COL24A1: variants seen among roughly 807,000 people sequenced by gnomAD.
The protein encoded by COL24A1 is collagen type XXIV alpha 1 chain.
Under a neutral mutation model 253.9 loss-of-function variants are expected in COL24A1, and 224 were observed. The observed-to-expected ratio is 0.88, with a 90% CI of 0.79 to 0.99. The LOEUF (loss-of-function observed/expected upper bound fraction) is 0.99. Among genes scored for constraint, COL24A1 ranks in the 50% least tolerant of loss-of-function variants. The probability of loss-of-function intolerance (pLI) is 0.00; values close to 1 mark genes in which losing one functional copy is unlikely to be tolerated. For synonymous variants in COL24A1, 685 were observed against 673.7 expected, an observed-to-expected ratio of 1.02 and a Z score of -0.26; for missense variants, 2,131 against 2,068.5, an observed-to-expected ratio of 1.03 and a Z score of -0.59.
At chr1:85,748,205 C>T (rs1665485065) in intron 55 of COL24A1, among the ~76,000 whole-genome samples, 1 of 152,102 alleles carries the variant, frequency 6.6e-6, no homozygotes, top group Admixed American at 6.5e-5. Flanking sequence ...CATTCATTTT[C>T]AAGAAAATAT....
chr1:85,951,409 T>C (rs1689916286), intron 24 of COL24A1, among the ~76,000 whole-genome samples: 1 of 152,120 alleles, frequency 6.6e-6, no homozygotes, highest in Admixed American at 6.6e-5. Context: ...TCTTGAAAGT[T>C]GATGCTTGGT....
intron 32 of COL24A1, chr1:85,883,692 G>A (rs758951566): frequency 1.3e-5 from 2 of 151,750 alleles, no homozygotes; most frequent in Non-Finnish European, 2.9e-5. Flanking sequence ...CCTACAGCAC[G>A]TGGTATTCCT....
At position 86,066,662 on chromosome 1, in the gene COL24A1, CCA is replaced by C. The variant is rs1365204281; in HGVS notation, c.1708-2905_1708-2904del. Among the ~76,000 whole-genome samples, 14 of 152,254 alleles carry C rather than the reference CCA, an allele frequency of 9.2e-5. No individual in the cohort carries two copies. The South Asian group carries it at 2.1e-3, about 23-fold the overall frequency. On this transcript the variant is annotated intron_variant, in intron 7 of 59. Coordinates refer to ENST00000370571, the MANE Select transcript of COL24A1 (RefSeq NM_152890.7). ...CAAGCCATCTTGATCTGTTCTAGAT[CCA>C]GTTTTACCACAAACTAGCCATATTG... is the stretch of plus-strand genomic sequence containing the variant.
chr1:86,051,432 G>C (rs1372910942), intron 10 of COL24A1, among the ~76,000 whole-genome samples: 3 of 152,036 alleles, frequency 2.0e-5, no homozygotes, highest in African/African-American at 7.2e-5. Context: ...GCTTTACTGA[G>C]GAAGCAACAT....
At chr1:85,998,268 TTCAAG>T in intron 19 of COL24A1, among the ~76,000 whole-genome samples, 1 of 152,334 alleles carries the variant, frequency 6.6e-6, no homozygotes, top group South Asian at 2.1e-4. Context: ...CTACTATTTC[TTCAAG>T]TCACTGCTCA....
chr1:85,773,017 T>C (rs1490671518), intron 53 of COL24A1, among the ~76,000 whole-genome samples: 1 of 152,198 alleles, frequency 6.6e-6, no homozygotes, highest in African/African-American at 2.4e-5. Context: ...TACATTTAAG[T>C]CTTTGATCCA....
chr1:86,023,348 C>A (rs1571637520), intron 14 of COL24A1, among the ~76,000 whole-genome samples: 2 of 152,086 alleles, frequency 1.3e-5, no homozygotes, highest in African/African-American at 4.8e-5. Context: ...GCCATATTCC[C>A]AGGAACTAGT....
At chr1:85,759,030 T>A (rs548651172) in intron 55 of COL24A1, among the ~76,000 whole-genome samples, 9 of 152,044 alleles carry the variant, frequency 5.9e-5, no homozygotes, top group Non-Finnish European at 1.0e-4. Context: ...CTAAAAATAA[T>A]CCTGAATGAG....
At chr1:86,042,431 G>GA (rs772668125) in intron 12 of COL24A1, among the ~76,000 whole-genome samples, 3 of 151,912 alleles carry the variant, frequency 2.0e-5, no homozygotes, top group Non-Finnish European at 4.4e-5. Context: ...TTCATTTTGG[G>GA]AAAAAAGAAT....
intron 28 of COL24A1, among the ~76,000 whole-genome samples, chr1:85,906,242 G>A (rs1684802008): frequency 1.2e-5 from 1 of 80,102 alleles, no homozygotes; most frequent in South Asian, 4.4e-4. Flanking sequence ...TCTCCCATTT[G>A]CCAACTGGAA....
Position 85,970,274 on chromosome 1 carries a change from TAAAAA to T in COL24A1, c.2419-8_2419-4del. ...GCTCCAATTGGTCCTTCTTCTCCCTTAAAAAAAAAAAAAGTCAGAACATATTATGG... is the reference window on the plus strand; with the variant it reads ...GCTCCAATTGGTCCTTCTTCTCCCTTAAAAAAAAGTCAGAACATATTATGG... On this transcript the variant is annotated splice_polypyrimidine_tract_variant and splice_region_variant and intron_variant, in intron 21 of 59. Transcript: ENST00000370571. 7.4e-7 allele frequency: 1 copy of T among 1,349,784 alleles called. No homozygotes were observed. Among genetic ancestry groups the T allele is most frequent in the Admixed American group, 2.2e-5 (1 of 45,858 alleles). The allele number at this position is 1,349,784 out of a possible 1,614,324, so 83.6% of individuals were successfully genotyped here. A position where few individuals can be genotyped will look rare whatever the true frequency, so the allele number is the denominator to read the frequency against.
At chr1:86,005,958 G>A (rs111427519) in intron 19 of COL24A1, among the ~76,000 whole-genome samples, 13 of 152,034 alleles carry the variant, frequency 8.6e-5, no homozygotes, top group African/African-American at 3.1e-4. Flanking sequence ...ACACAATACA[G>A]CACCAACTGT....
intron 43 of COL24A1, among the ~76,000 whole-genome samples, chr1:85,826,837 G>C: frequency 6.6e-6 from 1 of 152,162 alleles, no homozygotes; most frequent in East Asian, 1.9e-4. Flanking sequence ...TGAGACAATG[G>C]AGTTTTCTAG....
In COL24A1 at chr1:85,880,106, T is replaced by C. The variant is rs192271472; in HGVS notation, c.2977-2931A>G. ...ATTGAATTGACTTGATAGATCCATT[T>C]GTGAAGAACTAATATCTCAACAATA... is the stretch of plus-strand genomic sequence containing the variant. On this transcript the variant is annotated intron_variant, in intron 32 of 59. Transcript: ENST00000370571. Among the ~76,000 whole-genome samples the C allele has an allele frequency of 3.3e-3, 499 of 152,340 alleles. 1 individual carries two copies. The highest frequency in any genetic ancestry group is 0.012 in the African/African-American group (483 of 41,582).
chr1:85,797,513 A>C (rs1201288468), intron 47 of COL24A1, among the ~76,000 whole-genome samples: 1 of 152,218 alleles, frequency 6.6e-6, no homozygotes, highest in Admixed American at 6.5e-5. Context: ...AAAGGCCAGA[A>C]AGTGGGGGAA....
chr1:85,916,610 C>T (rs1377688151), intron 24 of COL24A1, among the ~76,000 whole-genome samples: 3 of 152,110 alleles, frequency 2.0e-5, no homozygotes, highest in Admixed American at 2.0e-4. Context: ...CGCTTGGACT[C>T]AGGAGGTCAA....
chr1:85,871,547 C>T (rs935492064), intron 35 of COL24A1, among the ~76,000 whole-genome samples: 5 of 152,174 alleles, frequency 3.3e-5, no homozygotes, highest in South Asian at 2.1e-4. Flanking sequence ...TCAACATATG[C>T]GAATCAATAA....
chr1:85,971,458 C>A (rs1692162516), intron 20 of COL24A1, 65 bp from the exon 21 acceptor site: 1 of 1,303,858 alleles, frequency 7.7e-7, no homozygotes, highest in Non-Finnish European at 1.1e-6. Context: ...GATAAATCAG[C>A]ATTAATGTGG....
chr1:86,021,194 T>G (rs546638588), intron 18 of COL24A1, among the ~76,000 whole-genome samples: 1 of 152,312 alleles, frequency 6.6e-6, no homozygotes, highest in East Asian at 1.9e-4. Flanking sequence ...CAATTATTTT[T>G]TAATGTATAT....
Sources: allele counts gnomAD v4.1 joint callset (sites outside exome capture counted in the v4.1 genomes callset), GRCh38; gene constraint gnomAD v4.1.1; transcripts MANE v1.5; gene names NCBI Gene and HGNC (gene_info 2026-07-23, HGNC 2026-07-21).